Variants in CECR2 observed in about 807,000 individuals in gnomAD.
CECR2 encodes the protein CECR2 histone acetyl-lysine reader.
In CECR2, 30 loss-of-function variants were observed where a neutral mutation model predicts 154.5. That is an observed-to-expected ratio of 0.19 (90% CI 0.15 to 0.26). CECR2 has a LOEUF of 0.26. Among genes scored for constraint, CECR2 ranks in the 10% least tolerant of loss-of-function variants. CECR2 has a pLI of 1.00. For synonymous variants in CECR2, 725 were observed against 683.7 expected (o/e 1.06, Z -0.94); for missense variants, 1,743 against 1,829.3 (o/e 0.95, Z 0.86).
intron 2 of CECR2, among the ~76,000 whole-genome samples, chr22:17,482,795 C>T (rs1380359215): frequency 2.7e-5 from 4 of 146,746 alleles, no homozygotes; most frequent in Non-Finnish European, 5.9e-5. Flanking sequence ...GGTGTCCTGC[C>T]TCAGCCTCCC....
intron 1 of CECR2, among the ~76,000 whole-genome samples, chr22:17,375,408 C>T (rs1420881149): frequency 1.3e-5 from 2 of 152,134 alleles, no homozygotes; most frequent in East Asian, 1.9e-4. Context: ...AGCCACTACA[C>T]CCAGCCAGCA....
chr22:17,384,786 G>A (rs926809242), intron 1 of CECR2, among the ~76,000 whole-genome samples: 3 of 152,192 alleles, frequency 2.0e-5, no homozygotes, highest in Non-Finnish European at 4.4e-5. Context: ...GTCCTTTGAA[G>A]CTTTGAAGTG....
chr22:17,430,047 C>T (rs988407037), intron 1 of CECR2, among the ~76,000 whole-genome samples: 2 of 152,152 alleles, frequency 1.3e-5, no homozygotes, highest in Admixed American at 6.5e-5. Context: ...CTATATGGGG[C>T]ATTCTTTATT....
intron 1 of CECR2, among the ~76,000 whole-genome samples, chr22:17,469,512 A>G (rs538784678): frequency 2.6e-5 from 4 of 151,538 alleles, no homozygotes; most frequent in Non-Finnish European, 4.4e-5. Context: ...AGCAGGGGGG[A>G]TGATTACTGC....
intron 1 of CECR2, chr22:17,418,963 G>A (rs564627198): frequency 2.9e-5 from 6 of 205,254 alleles, no homozygotes; most frequent in South Asian, 1.9e-4. Flanking sequence ...GGAGCCTATC[G>A]GCTGGGCCCC....
rs1491179255 is a variant in CECR2, at chr22:17,548,142, TTG to T, written c.2861-5_2861-4del. On this transcript the variant is annotated splice_region_variant and splice_polypyrimidine_tract_variant and intron_variant, in intron 16 of 18. Coordinates refer to ENST00000262608, the MANE Select transcript of CECR2 (RefSeq NM_001290047.2). ...TTTTTTCTCCTCTTTTTTTTTTTTT[TTG>T]CAGCAGAGCCGTTGCCTGGCCTTGA... 25 of 1,498,478 alleles carry T rather than the reference TTG, an allele frequency of 1.7e-5. No homozygotes were observed. Among genetic ancestry groups the T allele is most frequent in the African/African-American group, 5.7e-5 (4 of 70,138 alleles). The allele number at this position is 1,498,478 out of a possible 1,614,324, so 92.8% of individuals were successfully genotyped here. A position where few individuals can be genotyped will look rare whatever the true frequency, so the allele number is the denominator to read the frequency against.
intron 1 of CECR2, among the ~76,000 whole-genome samples, chr22:17,465,509 G>C (rs1302952924): frequency 1.3e-5 from 2 of 150,800 alleles, no homozygotes; most frequent in East Asian, 2.0e-4. Flanking sequence ...TTTTGAGACA[G>C]AGTCTTGCTC....
At chr22:17,369,294 G>GGCCCGGGGGCGCGC (rs1476832433), upstream of CECR2, 1 of 150,738 alleles carries the variant, frequency 6.6e-6, no homozygotes, top group African/African-American at 2.4e-5. Flanking sequence ...TGCGGATCTG[G>GGCCCGGGGGCGCGC]GCCCGGGGGC....
intron 13 of CECR2, 49 bp from the exon 14 acceptor site, chr22:17,540,363 C>G: frequency 3.5e-6 from 5 of 1,429,854 alleles, no homozygotes; most frequent in Non-Finnish European, 4.6e-6. Flanking sequence ...TTTCTATAAA[C>G]AATTTCTGTA....
intron 1 of CECR2, among the ~76,000 whole-genome samples, chr22:17,476,842 G>A (rs1255564277): frequency 6.6e-6 from 1 of 152,118 alleles, no homozygotes; most frequent in African/African-American, 2.4e-5. Flanking sequence ...CTTATTTTGG[G>A]GGTGTTGGGA....
At chr22:17,494,159 G>A (rs527541277) in intron 2 of CECR2, among the ~76,000 whole-genome samples, 2 of 152,206 alleles carry the variant, frequency 1.3e-5, no homozygotes, top group Non-Finnish European at 2.9e-5. Flanking sequence ...GCAATGGCGC[G>A]ATCTTGGCTC....
chr22:17,465,771 T>C (rs2055022247), intron 1 of CECR2, among the ~76,000 whole-genome samples: 1 of 151,982 alleles, frequency 6.6e-6, no homozygotes, highest in Non-Finnish European at 1.5e-5. Context: ...GCGTGAGCCA[T>C]CACGCCCAGC....
At chr22:17,524,052 C>A in intron 8 of CECR2, 66 bp from the exon 9 acceptor site, 2 of 1,264,916 alleles carry the variant, frequency 1.6e-6, no homozygotes, top group Non-Finnish European at 2.2e-6. Flanking sequence ...ATTCAATGAA[C>A]TGAGAGCAAA....
intron 7 of CECR2, among the ~76,000 whole-genome samples, chr22:17,505,534 C>T (rs1216919289): frequency 2.0e-5 from 2 of 98,842 alleles, no homozygotes; most frequent in African/African-American, 4.2e-5. Flanking sequence ...CCTCTTTTTC[C>T]TTTTTTTTTT....
At chr22:17,545,733 C>T (rs2056603512) in intron 16 of CECR2, among the ~76,000 whole-genome samples, 2 of 151,280 alleles carry the variant, frequency 1.3e-5, no homozygotes, top group Non-Finnish European at 2.9e-5. Flanking sequence ...ATCCCAGCTC[C>T]TCGGGAGGCT....
rs192647734 is a variant in CECR2 at position 17,538,713 on chromosome 22, C to T, written c.1350C>T (p.Asn450=). The change falls in exon 12 of 19, where the codon AAC becomes AAT. Residue 450 remains asparagine (N), a synonymous_variant. Transcript: ENST00000262608. ...LEPVDESYAP[N]YYQIIKAPMD... ...CTGTGGATGAATCTTATGCCCCTAA[C>T]TATTATCAGATTATTAAGGTAGAAG... is the stretch of plus-strand genomic sequence containing the variant. The T allele has an allele frequency of 6.8e-6, 11 of 1,613,744 alleles. No homozygotes were observed. In the African/African-American group the frequency reaches 1.3e-4, roughly 20 times the overall value.
Position 17,542,667 on chromosome 22 carries a change from C to A in CECR2, c.2524C>A (p.Pro842Thr), listed in dbSNP as rs752731044. The change falls in exon 16 of 19, where the codon CCG becomes ACG. Residue 842 changes from proline to threonine, a missense_variant. Transcript: ENST00000262608. ...AGTTCCTTCCTCAGGGTACATGCGA[C>A]CGCCCTGCAAGTCTGCCGGACATCG... ...HGVPSSGYMR[P>T]PCKSAGHRLQ... 3.7e-6 allele frequency: 6 copies of A among 1,614,042 alleles called. No individual in the cohort carries two copies. The highest frequency in any genetic ancestry group is 5.1e-6 in the Non-Finnish European group (6 of 1,179,902).
rs1004756741 is a variant in CECR2 at position 17,557,104 on chromosome 22, G to A, written c.*4264G>A. The A allele has an allele frequency of 2.0e-5, 3 of 149,966 alleles. No homozygotes were observed. The highest frequency in any genetic ancestry group is 4.9e-5 in the African/African-American group (2 of 40,714). The allele number at this position is 149,966 out of a possible 1,614,324, so 9.3% of individuals were successfully genotyped here. ...CACGCACTTTCCCCTTGGGACAGTA[G>A]TGTTTGGGTGAATGTTACTGCATCC... On this transcript the variant is annotated 3_prime_UTR_variant, in exon 19 of 19. Transcript: ENST00000262608.
At chr22:17,489,253 CA>C (rs2055482191) in intron 2 of CECR2, among the ~76,000 whole-genome samples, 1 of 152,114 alleles carries the variant, frequency 6.6e-6, no homozygotes, top group South Asian at 2.1e-4. Context: ...CTATCTTTGC[CA>C]ACATCTGCTG....
Sources: gnomAD v4.1 joint callset for allele counts (sites outside exome capture counted in the v4.1 genomes callset) on GRCh38, gnomAD v4.1.1 for gene constraint, MANE v1.5 for transcripts, NCBI Gene and HGNC (gene_info 2026-07-23, HGNC 2026-07-21) for gene names.